Variants in RAF1 observed in about 807,000 individuals in gnomAD.
RAF1 encodes the protein RAF proto-oncogene serine/threonine-protein kinase.
Under a neutral mutation model 81.1 loss-of-function variants are expected in RAF1, and 27 were observed. The ratio of observed to expected loss-of-function variants is 0.33; its 90% confidence interval spans 0.25 to 0.46. RAF1 has a LOEUF of 0.46. Ranked by LOEUF, RAF1 falls within the 20% of genes least tolerant of loss-of-function variation. The probability of loss-of-function intolerance (pLI) is 1.00; values close to 1 mark genes in which losing one functional copy is unlikely to be tolerated. For missense variants in RAF1, 598 were observed against 826.0 expected (o/e 0.72, Z 3.38); for synonymous variants, 298 against 294.0 (o/e 1.01, Z -0.14).
chr3:12,656,423 G>A (rs2060696912), intron 1 of RAF1, among the ~76,000 whole-genome samples: 1 of 152,090 alleles, frequency 6.6e-6, no homozygotes, highest in South Asian at 2.1e-4. Flanking sequence ...AGAGGGAGAA[G>A]CTTAAGCAAC....
chr3:12,615,487 A>G (rs1334022226), intron 2 of RAF1, among the ~76,000 whole-genome samples: 1 of 152,202 alleles, frequency 6.6e-6, no homozygotes, highest in African/African-American at 2.4e-5. Flanking sequence ...CAGGAAGTAA[A>G]GCAACCTGGG....
At position 12,587,579 on chromosome 3, in the gene RAF1, A is replaced by T. The variant is rs1193826832; in HGVS notation, c.1477+12T>A. The T allele has an allele frequency of 6.2e-7, 1 of 1,604,068 alleles. No individual in the cohort carries two copies. Among genetic ancestry groups the T allele is most frequent in the Non-Finnish European group, 8.5e-7 (1 of 1,170,968 alleles). Reference sequence around the variant, plus strand: ...ACCGAGCAGTCAAATGAACTCAACAACCAAAGGATACTGTTGGATTTCATG... The same window carrying T: ...ACCGAGCAGTCAAATGAACTCAACATCCAAAGGATACTGTTGGATTTCATG... On this transcript the variant is annotated intron_variant, in intron 14 of 17. Transcript: ENST00000442415.
At chr3:12,655,590 T>G (rs1295900388) in intron 1 of RAF1, among the ~76,000 whole-genome samples, 1 of 152,170 alleles carries the variant, frequency 6.6e-6, no homozygotes, top group Non-Finnish European at 1.5e-5. Flanking sequence ...CCTAAGGCAC[T>G]GAAAGCAGGG....
At position 12,663,905 on chromosome 3, in the gene RAF1, G is replaced by A. The variant is rs958894962; in HGVS notation, c.-119C>T. On this transcript the variant is annotated 5_prime_UTR_variant, in exon 1 of 18. Transcript: ENST00000442415. ...GCGGCGGGTGAGGGAGCGGGAGGCG[G>A]TCACATTCGGCGCGTCCCCAGCCCA... 3 of 398,106 alleles carry A rather than the reference G, an allele frequency of 7.5e-6. No homozygotes were observed. Among genetic ancestry groups the A allele is most frequent in the Non-Finnish European group, 1.3e-5 (3 of 225,766 alleles). The allele number at this position is 398,106 out of a possible 1,614,324, so 24.7% of individuals were successfully genotyped here.
intron 2 of RAF1, among the ~76,000 whole-genome samples, chr3:12,613,738 A>T (rs1422080267): frequency 1.3e-5 from 2 of 152,230 alleles, no homozygotes; most frequent in Non-Finnish European, 2.9e-5. Flanking sequence ...AGCATAAGGA[A>T]TTTGAAAACA....
At chr3:12,634,730 G>A (rs1230395835) in intron 1 of RAF1, among the ~76,000 whole-genome samples, 2 of 152,040 alleles carry the variant, frequency 1.3e-5, no homozygotes, top group African/African-American at 2.4e-5. Flanking sequence ...AGCAGAGAGA[G>A]GGAAGGAGTA....
At chr3:12,625,793 G>A (rs1291295928) in intron 1 of RAF1, among the ~76,000 whole-genome samples, 1 of 152,132 alleles carries the variant, frequency 6.6e-6, no homozygotes, top group Admixed American at 6.6e-5. Flanking sequence ...AAGAGCCACT[G>A]AAGTCCACCT....
At chr3:12,604,327 G>C in intron 6 of RAF1, 38 bp from the exon 7 acceptor site, 1 of 1,601,094 alleles carries the variant, frequency 6.2e-7, no homozygotes, top group Non-Finnish European at 8.5e-7. Flanking sequence ...TGGCACTTAG[G>C]CTTTCATACT....
chr3:12,599,704 C>G lies in RAF1; in HGVS notation c.1155G>C (p.Lys385Asn). 1 of 1,613,966 alleles carries G rather than the reference C, an allele frequency of 6.2e-7. No individual in the cohort carries two copies. Among genetic ancestry groups the G allele is most frequent in the Non-Finnish European group, 8.5e-7 (1 of 1,179,858 alleles). The change falls in exon 11 of 18, where the codon AAG becomes AAC. Residue 385 changes from lysine (K) to asparagine (N), a missense_variant. Coordinates refer to ENST00000442415, the MANE Select transcript of RAF1 (RefSeq NM_001354689.3). ...CCCCAAGCTTACCGTGCCATTTACC[C>G]TTATAAACAGTTCCAAAAGAGCCTG...
chr3:12,617,206 G>C (rs1475726782), intron 2 of RAF1, among the ~76,000 whole-genome samples: 1 of 152,072 alleles, frequency 6.6e-6, no homozygotes, highest in Admixed American at 6.6e-5. Flanking sequence ...TCTGCCTCCC[G>C]GGTTCGAGTG....
intron 1 of RAF1, among the ~76,000 whole-genome samples, chr3:12,626,310 G>A (rs2059701338): frequency 6.6e-6 from 1 of 151,414 alleles, no homozygotes; most frequent in South Asian, 2.1e-4. Flanking sequence ...TCATGGGCTG[G>A]GCACCGTGGC....
At chr3:12,640,789 G>T (rs1218659413) in intron 1 of RAF1, among the ~76,000 whole-genome samples, 1 of 152,140 alleles carries the variant, frequency 6.6e-6, no homozygotes, top group African/African-American at 2.4e-5. Context: ...TTCAACCATT[G>T]TGGAAGTCAG....
intron 1 of RAF1, among the ~76,000 whole-genome samples, chr3:12,661,348 T>G (rs6784168): frequency 0.33 from 50,613 of 152,060 alleles, 8,709 homozygotes; most frequent in Admixed American, 0.4. Context: ...TTCTACACTT[T>G]TTTTGATGTT....
chr3:12,635,426 C>A (rs1410233528), intron 1 of RAF1, among the ~76,000 whole-genome samples: 1 of 146,932 alleles, frequency 6.8e-6, no homozygotes, highest in Non-Finnish European at 1.5e-5. Flanking sequence ...CATGTAAGGT[C>A]AGGAGTTCGA....
At chr3:12,634,113 C>A (rs1174866911) in intron 1 of RAF1, among the ~76,000 whole-genome samples, 2 of 150,634 alleles carry the variant, frequency 1.3e-5, no homozygotes, top group Non-Finnish European at 2.9e-5. Flanking sequence ...TTCTGACATT[C>A]ATGATTACAA....
At chr3:12,594,808 A>G (rs2058634412) in intron 11 of RAF1, among the ~76,000 whole-genome samples, 1 of 152,196 alleles carries the variant, frequency 6.6e-6, no homozygotes, top group Admixed American at 6.5e-5. Flanking sequence ...TGATGGGAAG[A>G]CTGAACAGGG....
In RAF1 at chr3:12,652,011, A is replaced by AAAT. The variant is rs2060544442; in HGVS notation, c.-27+11801_-27+11802insATT. 2.2e-5 allele frequency among the ~76,000 whole-genome samples: 3 copies of AAAT among 136,648 alleles called. No homozygotes were observed. In the Admixed American group the frequency reaches 2.3e-4, roughly 10 times the overall value. The allele number at this position is 136,648 out of a possible 152,430, so 89.6% of individuals were successfully genotyped here. A position where few individuals can be genotyped will look rare whatever the true frequency, so the allele number is the denominator to read the frequency against. ...GCAACAAGAGCGAAACTCCATCTCT[A>AAAT]AAATAAATAAATAAATAAATAAATA... On this transcript the variant is annotated intron_variant, in intron 1 of 17. Coordinates refer to ENST00000442415, the MANE Select transcript of RAF1 (RefSeq NM_001354689.3).
intron 17 of RAF1, 67 bp from the exon 17 acceptor site, chr3:12,584,724 C>A (rs41293391): frequency 3.4e-5 from 55 of 1,613,068 alleles, no homozygotes; most frequent in Non-Finnish European, 4.5e-5. Context: ...CCCTGCCCCC[C>A]ACCATCTTGT....
chr3:12,627,599 C>T (rs1055818945), intron 1 of RAF1, among the ~76,000 whole-genome samples: 1 of 152,198 alleles, frequency 6.6e-6, no homozygotes, highest in Non-Finnish European at 1.5e-5. Flanking sequence ...TTCTCTACAA[C>T]TATTTTTTCT....
Sources: allele counts gnomAD v4.1 joint callset (sites outside exome capture counted in the v4.1 genomes callset), GRCh38; gene constraint gnomAD v4.1.1; transcripts MANE v1.5; gene names NCBI Gene and HGNC (gene_info 2026-07-23, HGNC 2026-07-21).